Variants in EPHA5 observed in about 807,000 individuals in gnomAD.
EPHA5 encodes the protein ephrin type-A receptor 5.
A neutral mutation model predicts 105.0 loss-of-function variants in EPHA5; 60 were observed. The observed-to-expected ratio is 0.57, with a 90% CI of 0.46 to 0.71. EPHA5 has a LOEUF of 0.71. Among genes scored for constraint, EPHA5 ranks in the 30% least tolerant of loss-of-function variants. The probability of loss-of-function intolerance (pLI) is 0.00; values close to 1 mark genes in which losing one functional copy is unlikely to be tolerated. For missense variants in EPHA5, 1,218 were observed against 1,274.7 expected, an observed-to-expected ratio of 0.96 and a Z score of 0.68; for synonymous variants, 513 against 449.1, an observed-to-expected ratio of 1.14 and a Z score of -1.80.
At chr4:65,444,600 A>G (rs1726337639) in intron 5 of EPHA5, among the ~76,000 whole-genome samples, 3 of 152,274 alleles carry the variant, frequency 2.0e-5, no homozygotes, top group South Asian at 2.1e-4. Flanking sequence ...ATCCACAGCC[A>G]GTGTACTTTT....
intron 1 of EPHA5, among the ~76,000 whole-genome samples, chr4:65,648,756 T>C (rs1748345002): frequency 6.6e-6 from 1 of 152,206 alleles, no homozygotes; most frequent in East Asian, 1.9e-4. Flanking sequence ...TGGATTCAAT[T>C]ATAACACACA....
chr4:65,573,389 T>C (rs62300406), intron 3 of EPHA5: 259,321 of 911,832 alleles, frequency 0.28, 42,089 homozygotes, highest in East Asian at 0.48. Flanking sequence ...CCAGCCTGGG[T>C]GACCGAGCCA....
chr4:65,473,716 C>A (rs1729513516), intron 5 of EPHA5, among the ~76,000 whole-genome samples: 1 of 151,980 alleles, frequency 6.6e-6, no homozygotes, highest in East Asian at 1.9e-4. Context: ...GACACAGATC[C>A]AAACCATATC....
rs1742451087 is a variant in EPHA5 at position 65,589,702 on chromosome 4, T to C, written c.910+11939A>G. Reference sequence around the variant, plus strand: ...ATTTAAAATAAATAAATAATACAGGTCAGTCTGGTTCTAAAAAAAGAAGCT... The same window carrying C: ...ATTTAAAATAAATAAATAATACAGGCCAGTCTGGTTCTAAAAAAAGAAGCT... On this transcript the variant is annotated intron_variant, in intron 3 of 16. Coordinates refer to ENST00000613740, the MANE Select transcript of EPHA5 (RefSeq NM_001281766.3). 2.0e-5 allele frequency among the ~76,000 whole-genome samples: 3 copies of C among 151,932 alleles called. No homozygotes were observed. In the South Asian group the frequency reaches 6.2e-4, roughly 31 times the overall value.
At chr4:65,660,156 A>G (rs1407143616) in intron 1 of EPHA5, among the ~76,000 whole-genome samples, 1 of 152,094 alleles carries the variant, frequency 6.6e-6, no homozygotes, top group Non-Finnish European at 1.5e-5. Flanking sequence ...ATTTCTTGAT[A>G]TGATTTGTGG....
chr4:65,526,005 C>T (rs543600551), intron 3 of EPHA5, among the ~76,000 whole-genome samples: 1 of 151,732 alleles, frequency 6.6e-6, no homozygotes, highest in East Asian at 1.9e-4. Context: ...TCCTTGCTGT[C>T]AATTTCATCT....
intron 2 of EPHA5, among the ~76,000 whole-genome samples, chr4:65,628,962 G>A (rs1022692859): frequency 2.6e-5 from 4 of 152,034 alleles, no homozygotes; most frequent in Non-Finnish European, 5.9e-5. Flanking sequence ...GATTAAGTTC[G>A]ATGTTCATAA....
intron 5 of EPHA5, among the ~76,000 whole-genome samples, chr4:65,465,521 A>G (rs1451866722): frequency 2.0e-5 from 2 of 101,354 alleles, no homozygotes; most frequent in African/African-American, 3.5e-5. Flanking sequence ...GAAAGAAAGA[A>G]AGAAAGAAAA....
chr4:65,595,581 AT>A lies in EPHA5; in HGVS notation c.910+6059del, dbSNP rs200521084. On this transcript the variant is annotated intron_variant, in intron 3 of 16. Transcript: ENST00000613740. ...TAATTTTTATATAATATCTCACAAG[AT>A]TTTTTTTTTTTTTTTTGAGACGGAG... Among the ~76,000 whole-genome samples the A allele has an allele frequency of 7.2e-3, 706 of 98,428 alleles. 4 individuals are homozygous for A. The highest frequency in any genetic ancestry group is 0.011 in the Non-Finnish European group (461 of 40,836). The allele number at this position is 98,428 out of a possible 152,430, so 64.6% of individuals were successfully genotyped here. A position where few individuals can be genotyped will look rare whatever the true frequency, so the allele number is the denominator to read the frequency against.
At chr4:65,663,730 A>C (rs1288459219) in intron 1 of EPHA5, among the ~76,000 whole-genome samples, 1 of 152,046 alleles carries the variant, frequency 6.6e-6, no homozygotes, top group Non-Finnish European at 1.5e-5. Context: ...GAATTTAAAA[A>C]ATAGAGCCAT....
At chr4:65,595,590 T>TTA (rs1743092904) in intron 3 of EPHA5, among the ~76,000 whole-genome samples, 1 of 151,348 alleles carries the variant, frequency 6.6e-6, no homozygotes, top group Non-Finnish European at 1.5e-5. Flanking sequence ...GATTTTTTTT[T>TTA]TTTTTTTTGA....
chr4:65,402,968 T>A lies in EPHA5; in HGVS notation c.1793+1406A>T, dbSNP rs535200788. Among the ~76,000 whole-genome samples, 6 of 152,072 alleles carry A rather than the reference T, an allele frequency of 3.9e-5. No individual in the cohort carries two copies. The South Asian group carries it at 6.2e-4, about 16-fold the overall frequency. On this transcript the variant is annotated intron_variant, in intron 8 of 16. Transcript: ENST00000613740. The stretch of plus-strand genomic sequence containing the variant: ...AAATCAGTGGGGCACTAGATAGCTA[T>A]CCCCCTGGCTGGGATGGGCTTAATT...
intron 3 of EPHA5, among the ~76,000 whole-genome samples, chr4:65,538,802 A>G (rs754792819): frequency 5.4e-4 from 82 of 151,678 alleles, no homozygotes; most frequent in Non-Finnish European, 9.9e-4. Context: ...AACTTCACAG[A>G]TATCTCCATA....
At chr4:65,598,858 A>C (rs1158904109) in intron 3 of EPHA5, among the ~76,000 whole-genome samples, 1 of 152,100 alleles carries the variant, frequency 6.6e-6, no homozygotes, top group Non-Finnish European at 1.5e-5. Context: ...AGAAAGCAAA[A>C]TTTAAGATGA....
intron 3 of EPHA5, among the ~76,000 whole-genome samples, chr4:65,513,512 G>A (rs1733823880): frequency 6.6e-6 from 1 of 151,834 alleles, no homozygotes; most frequent in Non-Finnish European, 1.5e-5. Context: ...TCAGCCTCCC[G>A]AGTAGCTGAG....
At chr4:65,635,619 G>T (rs1158372975) in intron 2 of EPHA5, among the ~76,000 whole-genome samples, 1 of 151,904 alleles carries the variant, frequency 6.6e-6, no homozygotes, top group Non-Finnish European at 1.5e-5. Context: ...GAGCAATAGT[G>T]GAATTTCTAA....
intron 1 of EPHA5, among the ~76,000 whole-genome samples, chr4:65,653,181 A>G (rs1038042277): frequency 6.6e-6 from 1 of 152,056 alleles, no homozygotes; most frequent in Admixed American, 6.5e-5. Flanking sequence ...CAGGAGACAG[A>G]AAGTCACACA....
chr4:65,434,808 A>G (rs1725317062), intron 5 of EPHA5, among the ~76,000 whole-genome samples: 1 of 152,282 alleles, frequency 6.6e-6, no homozygotes, highest in South Asian at 2.1e-4. Flanking sequence ...CTAAATTGTT[A>G]TGTTGAAATC....
chr4:65,409,925 A>G (rs1722758407), intron 7 of EPHA5, among the ~76,000 whole-genome samples: 1 of 152,230 alleles, frequency 6.6e-6, no homozygotes, highest in African/African-American at 2.4e-5. Flanking sequence ...GCTGACAAGG[A>G]TGTAAAGAAA....
Sources: allele counts gnomAD v4.1 joint callset (sites outside exome capture counted in the v4.1 genomes callset), GRCh38; gene constraint gnomAD v4.1.1; transcripts MANE v1.5; gene names NCBI Gene and HGNC (gene_info 2026-07-23, HGNC 2026-07-21).